The following ARPP21 variants were observed in gnomAD, a reference collection of about 807,000 sequenced individuals.
ARPP21 encodes the protein cAMP-regulated phosphoprotein 21.
A neutral mutation model predicts 113.2 loss-of-function variants in ARPP21; 69 were observed. The ratio of observed to expected loss-of-function variants is 0.61; its 90% confidence interval spans 0.50 to 0.74. ARPP21 has a LOEUF of 0.74. Among genes scored for constraint, ARPP21 ranks in the 30% least tolerant of loss-of-function variants. The pLI, the probability that ARPP21 is intolerant of heterozygous loss-of-function variation, is 0.00. For missense variants in ARPP21, 1,070 were observed against 1,037.4 expected (o/e 1.03, Z -0.43); for synonymous variants, 368 against 375.5 (o/e 0.98, Z 0.23).
chr3:35,720,119 G>A (rs533427479), intron 13 of ARPP21, among the ~76,000 whole-genome samples: 103 of 152,284 alleles, frequency 6.8e-4, no homozygotes, highest in Middle Eastern at 6.8e-3. Context: ...TCTAAAACCA[G>A]CCATCCGTGT....
Position 35,715,422 on chromosome 3 carries a change from T to G in ARPP21, c.898-17T>G. The stretch of plus-strand genomic sequence containing the variant: ...TATCCAGAACTTCTGATCCAATGCC[T>G]TTTTTTTATTTTTCAGTCAGTTTGC... On this transcript the variant is annotated splice_polypyrimidine_tract_variant and intron_variant, in intron 11 of 20. Coordinates refer to ENST00000684406, the MANE Select transcript of ARPP21 (RefSeq NM_001385562.1). 3 of 1,592,392 alleles carry G rather than the reference T, an allele frequency of 1.9e-6. No individual in the cohort carries two copies. Among genetic ancestry groups the G allele is most frequent in the Non-Finnish European group, 2.6e-6 (3 of 1,162,898 alleles).
chr3:35,710,990 A>G (rs1254203866), intron 11 of ARPP21, among the ~76,000 whole-genome samples: 3 of 152,238 alleles, frequency 2.0e-5, no homozygotes, highest in African/African-American at 4.8e-5. Context: ...AAATAAAAGC[A>G]CATTTAAATG....
At chr3:35,793,043 T>C (rs575306148) in intron 20 of ARPP21, among the ~76,000 whole-genome samples, 255 of 152,336 alleles carry the variant, frequency 1.7e-3, no homozygotes, top group African/African-American at 5.8e-3. Context: ...CCTTTTGTGA[T>C]GTATATTCTA....
intron 9 of ARPP21, among the ~76,000 whole-genome samples, chr3:35,706,334 C>T (rs1233839664): frequency 6.6e-6 from 1 of 152,138 alleles, no homozygotes; most frequent in Non-Finnish European, 1.5e-5. Flanking sequence ...TGTGTAACTG[C>T]TTGAAGCATT....
chr3:35,717,376 C>T lies in ARPP21; in HGVS notation c.995+19C>T, dbSNP rs2092557864. 1.3e-6 allele frequency: 2 copies of T among 1,516,390 alleles called. No homozygotes were observed. Among genetic ancestry groups the T allele is most frequent in the Non-Finnish European group, 1.8e-6 (2 of 1,092,186 alleles). 93.9% of individuals were successfully genotyped at this position (1,516,390 alleles called of 1,614,324 possible). A position where few individuals can be genotyped will look rare whatever the true frequency, so the allele number is the denominator to read the frequency against. The stretch of plus-strand genomic sequence containing the variant: ...TCTTTCGGTTGGTATGGTTTACTTT[C>T]TTAAACTGTGTTTTTTTCAAATTAT... On this transcript the variant is annotated intron_variant, in intron 13 of 20. Coordinates refer to ENST00000684406, the MANE Select transcript of ARPP21 (RefSeq NM_001385562.1).
chr3:35,681,589 C>A, intron 2 of ARPP21, 125 bp from the exon 3 acceptor site: 1 of 583,246 alleles, frequency 1.7e-6, no homozygotes, highest in Non-Finnish European at 3.0e-6. Flanking sequence ...TGTTTTTTCC[C>A]CCTTTTGTAT....
chr3:35,690,737 A>T, intron 8 of ARPP21, 128 bp from the exon 9 acceptor site: 1 of 817,990 alleles, frequency 1.2e-6, no homozygotes, highest in Non-Finnish European at 1.8e-6. Context: ...ACATTAAGTG[A>T]TGCCAGAAAT....
upstream of ARPP21, chr3:35,639,474 C>G (rs920920469): frequency 6.6e-6 from 1 of 152,034 alleles, no homozygotes; most frequent in South Asian, 2.1e-4. The surrounding 1 kb of genome is among the most constrained non-coding windows in gnomAD (Gnocchi z 5.0). Flanking sequence ...CCGGGCGCCG[C>G]CCCCGGCGGC....
intron 19 of ARPP21, among the ~76,000 whole-genome samples, chr3:35,758,383 T>TC (rs1260931108): frequency 2.0e-5 from 3 of 152,160 alleles, no homozygotes; most frequent in African/African-American, 7.2e-5. Flanking sequence ...GCTGCTTCTC[T>TC]CCCCAAACAA....
chr3:35,666,742 C>T (rs1433221339), intron 1 of ARPP21, among the ~76,000 whole-genome samples: 4 of 152,154 alleles, frequency 2.6e-5, no homozygotes, highest in Non-Finnish European at 5.9e-5. Context: ...CACAAACATG[C>T]TTTACAGTGT....
At chr3:35,718,110 A>G (rs952585949) in intron 13 of ARPP21, among the ~76,000 whole-genome samples, 4 of 152,200 alleles carry the variant, frequency 2.6e-5, no homozygotes, top group Non-Finnish European at 5.9e-5. Flanking sequence ...GAACAACAAC[A>G]AAACTCTTAT....
chr3:35,665,662 G>A (rs2074172614), intron 1 of ARPP21, among the ~76,000 whole-genome samples: 1 of 152,114 alleles, frequency 6.6e-6, no homozygotes, highest in Admixed American at 6.5e-5. Flanking sequence ...AGAATCCTCT[G>A]GGTAAATATT....
chr3:35,726,465 G>A (rs1363069926), intron 14 of ARPP21, among the ~76,000 whole-genome samples: 1 of 152,202 alleles, frequency 6.6e-6, no homozygotes, highest in East Asian at 1.9e-4. Context: ...GAAGAGGTTT[G>A]ACTTTATTTT....
At chr3:35,667,948 A>AGAGGAAG (rs1261971316) in intron 1 of ARPP21, among the ~76,000 whole-genome samples, 3 of 58,038 alleles carry the variant, frequency 5.2e-5, no homozygotes, top group African/African-American at 2.0e-4. Context: ...GAGAAGAAGA[A>AGAGGAAG]AAGAAGAAGA....
intron 9 of ARPP21, among the ~76,000 whole-genome samples, chr3:35,695,234 C>T (rs1365672076): frequency 6.6e-6 from 1 of 151,362 alleles, no homozygotes; most frequent in Non-Finnish European, 1.5e-5. Flanking sequence ...AGTCAACTGT[C>T]TAGAGATTTT....
intron 9 of ARPP21, among the ~76,000 whole-genome samples, chr3:35,700,233 A>G (rs1325397443): frequency 6.6e-6 from 1 of 151,840 alleles, no homozygotes; most frequent in Non-Finnish European, 1.5e-5. Context: ...AATATATTGC[A>G]GAAAGTCACA....
At chr3:35,697,955 A>T (rs2084700677) in intron 9 of ARPP21, among the ~76,000 whole-genome samples, 1 of 151,750 alleles carries the variant, frequency 6.6e-6, no homozygotes, top group Non-Finnish European at 1.5e-5. Context: ...CAATTTATTT[A>T]AGTGCCTCTT....
intron 19 of ARPP21, among the ~76,000 whole-genome samples, chr3:35,766,117 T>C (rs1014293264): frequency 2.0e-5 from 3 of 152,164 alleles, no homozygotes; most frequent in Non-Finnish European, 4.4e-5. Flanking sequence ...TTCAGTGATC[T>C]TCCACGGAAA....
intron 13 of ARPP21, among the ~76,000 whole-genome samples, chr3:35,719,429 A>G (rs1297277947): frequency 6.6e-6 from 1 of 152,220 alleles, no homozygotes; most frequent in Admixed American, 6.5e-5. Context: ...GAGAAGTTAA[A>G]GAAATCTTAG....
Sources: gnomAD v4.1 joint callset for allele counts (sites outside exome capture counted in the v4.1 genomes callset) on GRCh38, gnomAD v4.1.1 for gene constraint, Gnocchi (gnomAD v3.1) non-coding constraint, MANE v1.5 for transcripts, NCBI Gene and HGNC (gene_info 2026-07-23, HGNC 2026-07-21) for gene names.